The following LINGO2 variants were observed in gnomAD, a reference collection of about 807,000 sequenced individuals.
The protein encoded by LINGO2 is leucine rich repeat and Ig domain containing 2.
LINGO2 carries 14 observed loss-of-function variants against 30.6 expected under a neutral mutation model. That is an observed-to-expected ratio of 0.46 (90% CI 0.30 to 0.72). LINGO2 has a LOEUF of 0.72. LINGO2 is among the 30% of genes least tolerant of loss of function. The pLI, the probability that LINGO2 is intolerant of heterozygous loss-of-function variation, is 0.07. For missense variants in LINGO2, 729 were observed against 751.7 expected, an observed-to-expected ratio of 0.97 and a Z score of 0.35; for synonymous variants, 317 against 288.5, an observed-to-expected ratio of 1.10 and a Z score of -1.00.
intron 5 of LINGO2, among the ~76,000 whole-genome samples, chr9:27,955,516 T>C (rs764909944): frequency 5.3e-5 from 8 of 152,234 alleles, no homozygotes; most frequent in Non-Finnish European, 8.8e-5. Context: ...ATTGTCACTA[T>C]AGATTAGTAT....
intron 4 of LINGO2, among the ~76,000 whole-genome samples, chr9:28,096,882 T>C (rs953425378): frequency 6.6e-6 from 1 of 152,198 alleles, no homozygotes; most frequent in African/African-American, 2.4e-5. Flanking sequence ...TTTAAAATGT[T>C]TTCATGCTTA....
At chr9:29,125,739 T>C in the LINGO2 span, among the ~76,000 whole-genome samples, 1 of 152,134 alleles carries the variant, frequency 6.6e-6, no homozygotes, top group Non-Finnish European at 1.5e-5. Flanking sequence ...TAAATGAATG[T>C]AGATTAATGT....
At chr9:29,049,115 C>T in the LINGO2 span, among the ~76,000 whole-genome samples, 54,255 of 151,914 alleles carry the variant, frequency 0.36, 9,789 homozygotes, top group East Asian at 0.48. Context: ...TAAAAAACTC[C>T]ATAGGAAAAA....
chr9:28,055,021 GCA>G (rs1824857761), intron 4 of LINGO2, among the ~76,000 whole-genome samples: 1 of 143,856 alleles, frequency 7.0e-6, no homozygotes, highest in Non-Finnish European at 1.5e-5. Flanking sequence ...AAAACAAAAC[GCA>G]CAAACTTGCA....
the LINGO2 span, among the ~76,000 whole-genome samples, chr9:29,036,525 A>G: frequency 6.6e-6 from 1 of 152,188 alleles, no homozygotes; most frequent in Non-Finnish European, 1.5e-5. Context: ...TTGGAAATTT[A>G]AAAAGTCCAA....
rs1380161749 is a variant in LINGO2, at chr9:28,085,741, C to CA, written c.-86-73337dup. Among the ~76,000 whole-genome samples, 4 of 152,142 alleles carry CA rather than the reference C, an allele frequency of 2.6e-5. No individual in the cohort carries two copies. The East Asian group carries it at 7.7e-4, about 29-fold the overall frequency. ...TGAGAGTGATCAAGATTGCAGGACC[C>CA]ATCTGAGACAGATAAAATCTTTAAC... is the stretch of plus-strand genomic sequence containing the variant. On this transcript the variant is annotated intron_variant, in intron 4 of 5. Transcript: ENST00000379992.
intron 4 of LINGO2, among the ~76,000 whole-genome samples, chr9:28,282,513 T>C (rs1033001458): frequency 1.3e-5 from 2 of 152,096 alleles, no homozygotes; most frequent in Admixed American, 1.3e-4. Context: ...CTGCCCTTTC[T>C]GCTAGTGAAG....
the LINGO2 span, among the ~76,000 whole-genome samples, chr9:28,959,612 T>TCTCTCTCTCACACACACA: frequency 1.9e-4 from 25 of 132,222 alleles, no homozygotes; most frequent in African/African-American, 8.0e-4. Flanking sequence ...TCTCTCTCCC[T>TCTCTCTCTCACACACACA]CACACACACA....
chr9:28,204,379 A>G (rs1820341018), intron 4 of LINGO2, among the ~76,000 whole-genome samples: 1 of 152,200 alleles, frequency 6.6e-6, no homozygotes, highest in African/African-American at 2.4e-5. Context: ...AATTTTAACA[A>G]AAGGACCTAC....
At chr9:28,683,047 G>T in the LINGO2 span, among the ~76,000 whole-genome samples, 6 of 151,992 alleles carry the variant, frequency 3.9e-5, no homozygotes, top group African/African-American at 1.2e-4. Flanking sequence ...TCCCTGTCCT[G>T]AGATAATAAT....
the LINGO2 span, among the ~76,000 whole-genome samples, chr9:28,841,391 G>T: frequency 2.3e-4 from 35 of 151,736 alleles, no homozygotes; most frequent in African/African-American, 8.0e-4. Context: ...TTCCTTATCT[G>T]TAATACTGGG....
At chr9:28,892,121 G>A in the LINGO2 span, among the ~76,000 whole-genome samples, 1 of 151,848 alleles carries the variant, frequency 6.6e-6, no homozygotes, top group East Asian at 1.9e-4. Flanking sequence ...GGTTGAAATA[G>A]GTGGAGATAA....
At chr9:27,997,966 G>A (rs569377215) in intron 5 of LINGO2, among the ~76,000 whole-genome samples, 15 of 151,946 alleles carry the variant, frequency 9.9e-5, no homozygotes, top group African/African-American at 2.4e-4. Context: ...GGGTGGGAGG[G>A]GGGGAGGTGG....
chr9:28,327,215 A>T (rs1021805863), intron 3 of LINGO2, among the ~76,000 whole-genome samples: 1 of 152,158 alleles, frequency 6.6e-6, no homozygotes, highest in Non-Finnish European at 1.5e-5. Flanking sequence ...CAGCTTCAAG[A>T]ACTGTGAGCA....
chr9:28,924,713 T>C, the LINGO2 span, among the ~76,000 whole-genome samples: 28 of 152,254 alleles, frequency 1.8e-4, no homozygotes, highest in Non-Finnish European at 3.7e-4. Context: ...AAAGCTTTTT[T>C]ATAGCTTTGC....
chr9:28,892,125 G>C, the LINGO2 span, among the ~76,000 whole-genome samples: 3 of 151,848 alleles, frequency 2.0e-5, no homozygotes, highest in Non-Finnish European at 2.9e-5. Context: ...GAAATAGGTG[G>C]AGATAAATCT....
chr9:29,039,920 T>C, the LINGO2 span, among the ~76,000 whole-genome samples: 5 of 152,166 alleles, frequency 3.3e-5, no homozygotes, highest in African/African-American at 1.2e-4. Context: ...TCAACTGATA[T>C]CTAGGCTGCT....
At chr9:29,046,879 G>A in the LINGO2 span, among the ~76,000 whole-genome samples, 1 of 152,050 alleles carries the variant, frequency 6.6e-6, no homozygotes, top group South Asian at 2.1e-4. Flanking sequence ...AGGAGTTTGA[G>A]ACCAGCCTGG....
intron 2 of LINGO2, among the ~76,000 whole-genome samples, chr9:28,443,406 C>T (rs937804088): frequency 1.3e-5 from 2 of 152,184 alleles, no homozygotes; most frequent in African/African-American, 4.8e-5. Context: ...GGAGCCCTGA[C>T]CCCTACTGAG....
Sources: allele counts gnomAD v4.1 joint callset (sites outside exome capture counted in the v4.1 genomes callset), GRCh38; gene constraint gnomAD v4.1.1; transcripts MANE v1.5; gene names NCBI Gene and HGNC (gene_info 2026-07-23, HGNC 2026-07-21).